Variants in DSC3 observed in about 807,000 individuals in gnomAD.
DSC3 encodes the protein desmocollin 3, also known as desmocollin-3.
A neutral mutation model predicts 89.5 loss-of-function variants in DSC3; 97 were observed. That is an observed-to-expected ratio of 1.08 (90% CI 0.92 to 1.28). The LOEUF (loss-of-function observed/expected upper bound fraction) is 1.28. Ranked by LOEUF, DSC3 falls within the 50% of genes most tolerant of loss-of-function variation. The pLI, the probability that DSC3 is intolerant of heterozygous loss-of-function variation, is 0.00. For synonymous variants in DSC3, 436 were observed against 384.1 expected, an observed-to-expected ratio of 1.14 and a Z score of -1.58; for missense variants, 1,199 against 1,085.3, an observed-to-expected ratio of 1.10 and a Z score of -1.47.
chr18:31,020,642 T>C (rs574383397), intron 7 of DSC3, among the ~76,000 whole-genome samples: 1 of 152,268 alleles, frequency 6.6e-6, no homozygotes, highest in Admixed American at 6.5e-5. Flanking sequence ...CTCCCTTCCA[T>C]ACTGAAAGTC....
intron 9 of DSC3, among the ~76,000 whole-genome samples, chr18:31,016,424 G>T (rs1015934954): frequency 3.9e-5 from 6 of 152,208 alleles, no homozygotes; most frequent in African/African-American, 1.2e-4. Flanking sequence ...GAGGGGAGAA[G>T]GGTGTCCAGG....
intron 1 of DSC3, among the ~76,000 whole-genome samples, chr18:31,035,094 G>A (rs1459435780): frequency 1.3e-5 from 2 of 151,970 alleles, no homozygotes; most frequent in East Asian, 3.8e-4. Context: ...CAATAAAGTG[G>A]CATAATAACC....
chr18:31,040,989 A>G (rs913101579), intron 1 of DSC3, among the ~76,000 whole-genome samples: 1 of 137,658 alleles, frequency 7.3e-6, no homozygotes, highest in Non-Finnish European at 1.5e-5. Context: ...ACCTAAACTC[A>G]ACGGAATTAT....
intron 12 of DSC3, 133 bp from the exon 13 acceptor site, chr18:31,004,499 G>C: frequency 1.3e-6 from 1 of 783,602 alleles, no homozygotes; most frequent in East Asian, 2.7e-5. Context: ...TAAAAATGGA[G>C]GACTGTCTTC....
Position 31,002,377 on chromosome 18 carries a change from GA to G in DSC3, c.2114-639del, listed in dbSNP as rs566884773. 2.0e-5 allele frequency among the ~76,000 whole-genome samples: 3 copies of G among 152,256 alleles called. No homozygotes were observed. In the South Asian group the frequency reaches 6.2e-4, roughly 32 times the overall value. ...TAAGACTTTGTATTTTAAAATGGTT[GA>G]AAAAATTCAGAAGAATAAGAGTTTA... On this transcript the variant is annotated intron_variant, in intron 13 of 15. Transcript: ENST00000360428.
intron 9 of DSC3, among the ~76,000 whole-genome samples, chr18:31,011,929 AAG>A (rs547624724): frequency 0.075 from 10,226 of 135,514 alleles, 580 homozygotes; most frequent in East Asian, 0.13. Context: ...TTCCAAAAAA[AAG>A]AAAAAAAAAA....
chr18:31,034,747 G>A (rs186239558), intron 1 of DSC3, among the ~76,000 whole-genome samples: 64 of 152,248 alleles, frequency 4.2e-4, no homozygotes, highest in Middle Eastern at 3.4e-3. Context: ...CATACTGTAC[G>A]ATTTCGTTTA....
intron 1 of DSC3, among the ~76,000 whole-genome samples, chr18:31,036,998 G>T (rs1329612529): frequency 6.6e-6 from 1 of 151,682 alleles, no homozygotes; most frequent in East Asian, 1.9e-4. Flanking sequence ...TCACCATGTT[G>T]GACAGGCTGG....
rs559266982 is a variant in DSC3, at chr18:31,032,227, G to A, written c.119C>T (p.Pro40Leu). 3 of 1,613,468 alleles carry A rather than the reference G, an allele frequency of 1.9e-6. No homozygotes were observed. The highest frequency in any genetic ancestry group is 1.7e-5 in the Admixed American group (1 of 59,990). Residue 40 changes from proline (P) to leucine (L), a missense_variant, in exon 2 of 16, where the codon CCT becomes CTT. Coordinates refer to ENST00000360428, the MANE Select transcript of DSC3 (RefSeq NM_001941.5). ...EACKKVILNV[P>L]SKLEADKIIG... ...TATTTTGTCTGCCTCTAGTTTAGAAGGTACATTAAGTATCACCTTTTTGCA... is the reference window on the plus strand; with the variant it reads ...TATTTTGTCTGCCTCTAGTTTAGAAAGTACATTAAGTATCACCTTTTTGCA...
In DSC3 at chr18:31,010,972, C is replaced by T. The variant is rs8085501; in HGVS notation, c.1264-2447G>A. Among the ~76,000 whole-genome samples, 668 of 152,278 alleles carry T rather than the reference C, an allele frequency of 4.4e-3. 5 individuals are homozygous for T. The highest frequency in any genetic ancestry group is 0.016 in the African/African-American group (653 of 41,552). ...TCCCACAGTTTACCAAGTGCTGTTA[C>T]GTTCAATATTATATTTGAAGAGCTA... is the stretch of plus-strand genomic sequence containing the variant. On this transcript the variant is annotated intron_variant, in intron 9 of 15. Transcript: ENST00000360428.
chr18:31,029,880 T>C (rs1040004960), intron 3 of DSC3, among the ~76,000 whole-genome samples: 1 of 152,198 alleles, frequency 6.6e-6, no homozygotes, highest in Non-Finnish European at 1.5e-5. Flanking sequence ...TATACTTTCA[T>C]GTTAGGAAAA....
intron 14 of DSC3, among the ~76,000 whole-genome samples, chr18:31,001,126 CAAG>C (rs1396272570): frequency 9.9e-6 from 1 of 100,776 alleles, no homozygotes; most frequent in Non-Finnish European, 2.1e-5. Flanking sequence ...TTACACAAAA[CAAG>C]AAGCATAAAA....
intron 3 of DSC3, 44 bp from the exon 4 acceptor site, chr18:31,029,672 A>G (rs1985718239): frequency 1.9e-6 from 3 of 1,611,738 alleles, no homozygotes; most frequent in Admixed American, 3.3e-5. Context: ...CAAAAGCATC[A>G]CAGTCTACTT....
intron 7 of DSC3, among the ~76,000 whole-genome samples, chr18:31,019,405 A>T (rs1033590622): frequency 6.6e-6 from 1 of 152,140 alleles, no homozygotes; most frequent in Non-Finnish European, 1.5e-5. Context: ...TTTGAGTTTT[A>T]AAAAAATATA....
In DSC3 at chr18:30,994,190, T is replaced by C; in HGVS notation, c.2676A>G (p.Ala892=). 1 of 1,614,080 alleles carries C rather than the reference T, an allele frequency of 6.2e-7. No homozygotes were observed. The highest frequency in any genetic ancestry group is 8.5e-7 in the Non-Finnish European group (1 of 1,179,954). ...CACTGTGACATTATCTCTTTGTGCA[T>C]GCTTCTGCTAATGTAATAAATTTGG... ...LEPKFITLAE[A]CTKR The change falls in exon 16 of 16, where the codon GCA becomes GCG. Residue 892 remains alanine, a synonymous_variant. Coordinates refer to ENST00000360428, the MANE Select transcript of DSC3 (RefSeq NM_001941.5).
At chr18:31,033,226 A>T (rs1238855361) in intron 1 of DSC3, among the ~76,000 whole-genome samples, 1 of 152,204 alleles carries the variant, frequency 6.6e-6, no homozygotes, top group Non-Finnish European at 1.5e-5. Context: ...TAATTTACAG[A>T]TTCAATACAA....
At chr18:31,006,140 A>G (rs1402756774) in intron 12 of DSC3, among the ~76,000 whole-genome samples, 4 of 152,020 alleles carry the variant, frequency 2.6e-5, no homozygotes, top group Non-Finnish European at 4.4e-5. Context: ...CAGCCCCTCA[A>G]TACTCCTTCC....
intron 13 of DSC3, among the ~76,000 whole-genome samples, chr18:31,003,885 G>A (rs1461288862): frequency 6.6e-6 from 1 of 152,116 alleles, no homozygotes; most frequent in Non-Finnish European, 1.5e-5. Flanking sequence ...AAGAAATAAA[G>A]ACTATTTGTT....
intron 12 of DSC3, among the ~76,000 whole-genome samples, chr18:31,006,171 G>T (rs146944149): frequency 1.3e-5 from 2 of 151,990 alleles, no homozygotes; most frequent in Admixed American, 6.6e-5. Flanking sequence ...GCTATATCCC[G>T]CCAGGTTCAC....
Sources: gnomAD v4.1 joint callset for allele counts (sites outside exome capture counted in the v4.1 genomes callset) on GRCh38, gnomAD v4.1.1 for gene constraint, MANE v1.5 for transcripts, NCBI Gene and HGNC (gene_info 2026-07-23, HGNC 2026-07-21) for gene names.